LNX1: variants seen among roughly 807,000 people sequenced by gnomAD.
LNX1 encodes ligand of numb-protein X 1.
In LNX1, 54 loss-of-function variants were observed where a neutral mutation model predicts 68.4. That is an observed-to-expected ratio of 0.79 (90% CI 0.63 to 0.99). The LOEUF is 0.99. Among genes scored for constraint, LNX1 ranks in the 50% least tolerant of loss-of-function variants. The pLI, the probability that LNX1 is intolerant of heterozygous loss-of-function variation, is 0.00. For missense variants in LNX1, 906 were observed against 926.4 expected, an observed-to-expected ratio of 0.98 and a Z score of 0.29; for synonymous variants, 336 against 350.0, an observed-to-expected ratio of 0.96 and a Z score of 0.45.
At chr4:53,605,992 C>A (rs1018105475) in intron 2 of LNX1, among the ~76,000 whole-genome samples, 30 of 152,120 alleles carry the variant, frequency 2.0e-4, no homozygotes, top group South Asian at 1.2e-3. Flanking sequence ...AACCATTATA[C>A]CCTTGCCAAT....
At position 53,507,414 on chromosome 4, in the gene LNX1, T is replaced by C. The variant is rs759092496; in HGVS notation, c.678A>G (p.Arg226=). ...TTGTCCTTCGAAGAACACTCAAAGC[T>C]CGATTTATTTTTTTAAATGATCTGC... ...IRSRSFKKIN[R]ALSVLRRTKS... Residue 226 remains arginine (R), a synonymous_variant, in exon 4 of 11, where the codon CGA becomes CGG. Transcript: ENST00000263925. 5 of 1,614,094 alleles carry C rather than the reference T, an allele frequency of 3.1e-6. No individual in the cohort carries two copies. The highest frequency in any genetic ancestry group is 1.6e-4 in the Middle Eastern group (1 of 6,062).
At chr4:53,530,437 A>C (rs1181206205) in intron 2 of LNX1, among the ~76,000 whole-genome samples, 1 of 152,250 alleles carries the variant, frequency 6.6e-6, no homozygotes, top group Non-Finnish European at 1.5e-5. Flanking sequence ...AAAGAAGTGC[A>C]ACATTATACT....
intron 2 of LNX1, chr4:53,557,794 C>A: frequency 6.6e-7 from 1 of 1,522,540 alleles, no homozygotes; most frequent in Admixed American, 1.7e-5. Flanking sequence ...ATGGATATAT[C>A]AGCTAGGGAA....
At chr4:53,597,256 A>T (rs1732795174) in intron 2 of LNX1, among the ~76,000 whole-genome samples, 1 of 152,166 alleles carries the variant, frequency 6.6e-6, no homozygotes, top group Non-Finnish European at 1.5e-5. Flanking sequence ...GCAATCCATC[A>T]ATTGATATTC....
intron 1 of LNX1, among the ~76,000 whole-genome samples, chr4:53,630,655 G>T (rs1451516782): frequency 6.6e-6 from 1 of 152,120 alleles, no homozygotes; most frequent in Non-Finnish European, 1.5e-5. Flanking sequence ...CAGTGCTATT[G>T]GCTATGAGTT....
chr4:53,498,812 A>C lies in LNX1; in HGVS notation c.807T>G (p.Asp269Glu), dbSNP rs752763825. ...VFPRLYHLIP[D>E]GEITSIKINR... ...TGATCTTGATGCTGGTAATTTCACC[A>C]TCTGGAATCAGGTGGTACAACCTTG... is the stretch of plus-strand genomic sequence containing the variant. Residue 269 changes from aspartate to glutamate, a missense_variant, in exon 5 of 11, where the codon GAT (aspartate) becomes GAG (glutamate). Asp to Glu is a conservative substitution (Grantham distance 45). Coordinates refer to ENST00000263925, the MANE Select transcript of LNX1 (RefSeq NM_001126328.3). The C allele has an allele frequency of 6.2e-7, 1 of 1,613,956 alleles. No homozygotes were observed.
chr4:53,573,910 A>G lies in LNX1; in HGVS notation c.93T>C (p.Tyr31=). The G allele has an allele frequency of 1.2e-6, 2 of 1,613,730 alleles. No homozygotes were observed. Among genetic ancestry groups the G allele is most frequent in the African/African-American group, 1.3e-5 (1 of 75,060 alleles). ...TGAGGTCATCATCCACTTCCTCTGG[A>G]TAGCTGTAGAAGTGGTTTTCCTCCA... ...HSLEENHFYS[Y]PEEVDDDLIC... is the part of the protein sequence containing the mutation. Residue 31 remains tyrosine (Y), a synonymous_variant, in exon 2 of 11, where the codon TAT becomes TAC. Coordinates refer to ENST00000263925, the MANE Select transcript of LNX1 (RefSeq NM_001126328.3).
intron 2 of LNX1, among the ~76,000 whole-genome samples, chr4:53,565,010 C>T (rs1730560561): frequency 2.0e-5 from 3 of 152,296 alleles, no homozygotes; most frequent in African/African-American, 7.2e-5. Context: ...CCCACGGAGT[C>T]TCGCTGATTG....
At chr4:53,516,426 A>G (rs533997734) in intron 2 of LNX1, among the ~76,000 whole-genome samples, 2 of 152,310 alleles carry the variant, frequency 1.3e-5, no homozygotes, top group East Asian at 3.9e-4. Flanking sequence ...ATGCCACATT[A>G]TCAGAGAGAC....
chr4:53,471,941 G>T (rs1373947172), intron 9 of LNX1, among the ~76,000 whole-genome samples: 1 of 152,170 alleles, frequency 6.6e-6, no homozygotes, highest in Non-Finnish European at 1.5e-5. Flanking sequence ...ATTCCTCAGG[G>T]ATCTAGAACT....
upstream of LNX1, among the ~76,000 whole-genome samples, chr4:53,595,405 C>G (rs1325670097): frequency 6.6e-6 from 1 of 152,236 alleles, no homozygotes; most frequent in Non-Finnish European, 1.5e-5. Flanking sequence ...CTACTTTTCT[C>G]ATGATGATTA....
At chr4:53,575,962 G>A (rs1731462652) in intron 1 of LNX1, 1 of 1,563,126 alleles carries the variant, frequency 6.4e-7, no homozygotes, top group African/African-American at 1.4e-5. Flanking sequence ...GTGGCTGGGT[G>A]CCCTACTGGC....
At chr4:53,477,869 C>T (rs150177369) in intron 8 of LNX1, among the ~76,000 whole-genome samples, 1 of 152,142 alleles carries the variant, frequency 6.6e-6, no homozygotes, top group Non-Finnish European at 1.5e-5. Flanking sequence ...AAGATACCAT[C>T]CCCCTGTGGC....
intron 2 of LNX1, among the ~76,000 whole-genome samples, chr4:53,613,736 C>A (rs1700588275): frequency 6.6e-6 from 1 of 152,146 alleles, no homozygotes; most frequent in African/African-American, 2.4e-5. Flanking sequence ...GATTCCATGT[C>A]TTTGCTATTG....
intron 2 of LNX1, among the ~76,000 whole-genome samples, chr4:53,531,310 C>A (rs754815839): frequency 1.3e-5 from 2 of 152,144 alleles, no homozygotes; most frequent in African/African-American, 4.8e-5. Context: ...AAAAGGCCAC[C>A]TGTTCTTTTC....
rs1733393192 is a variant in LNX1 at position 53,609,671 on chromosome 4, A to C, written c.-215+6846T>G. On this transcript the variant is annotated intron_variant, in intron 2 of 3. Transcript: ENST00000504299. ...TATAATACTATTATAGTACTATTAT[A>C]CTATTATAGTACTATTATAATACTA... is the stretch of plus-strand genomic sequence containing the variant. Among the ~76,000 whole-genome samples the C allele has an allele frequency of 3.4e-5, 5 of 145,058 alleles. No homozygotes were observed. The South Asian group carries it at 1.1e-3, about 31-fold the overall frequency.
intron 2 of LNX1, among the ~76,000 whole-genome samples, chr4:53,541,482 T>G (rs1394011774): frequency 6.6e-6 from 1 of 152,162 alleles, no homozygotes; most frequent in Non-Finnish European, 1.5e-5. Flanking sequence ...ATATATATTT[T>G]TTTTCTAAAA....
At chr4:53,557,672 T>G (rs565204113) in intron 2 of LNX1, among the ~76,000 whole-genome samples, 1 of 151,190 alleles carries the variant, frequency 6.6e-6, no homozygotes, top group Non-Finnish European at 1.5e-5. Flanking sequence ...GAGAAAGTAC[T>G]GCATCTGTTA....
chr4:53,495,952 T>C, intron 6 of LNX1, 71 bp downstream of exon 6: 1 of 1,547,106 alleles, frequency 6.5e-7, no homozygotes, highest in South Asian at 1.2e-5. Flanking sequence ...GGGTGCCTGG[T>C]TCAGGGGGAT....
Sources: allele counts gnomAD v4.1 joint callset (sites outside exome capture counted in the v4.1 genomes callset), GRCh38; gene constraint gnomAD v4.1.1; transcripts MANE v1.5; gene names NCBI Gene and HGNC (gene_info 2026-07-23, HGNC 2026-07-21).